The following EML6 variants were observed in gnomAD, a reference collection of about 807,000 sequenced individuals.
EML6 encodes the protein EMAP like 6, also known as echinoderm microtubule-associated protein-like 6.
A neutral mutation model predicts 240.1 loss-of-function variants in EML6; 154 were observed. The ratio of observed to expected loss-of-function variants is 0.64; its 90% confidence interval spans 0.56 to 0.73. The LOEUF (loss-of-function observed/expected upper bound fraction) is 0.73, where lower values mean the gene tolerates loss of function less well. EML6 is among the 30% of genes least tolerant of loss of function. The pLI, the probability that EML6 is intolerant of heterozygous loss-of-function variation, is 0.00. For synonymous variants in EML6, 1,148 were observed against 899.0 expected, an observed-to-expected ratio of 1.28 and a Z score of -4.95; for missense variants, 2,964 against 2,474.6, an observed-to-expected ratio of 1.20 and a Z score of -4.20.
At chr2:54,961,225 G>A (rs1396516088) in intron 35 of EML6, among the ~76,000 whole-genome samples, 1 of 29,938 alleles carries the variant, frequency 3.3e-5, no homozygotes, top group African/African-American at 1.5e-4. Flanking sequence ...TTGCTCTGTT[G>A]CCCAGGGGGA....
intron 2 of EML6, among the ~76,000 whole-genome samples, chr2:54,797,256 G>T (rs915651998): frequency 6.6e-6 from 1 of 150,436 alleles, no homozygotes; most frequent in Non-Finnish European, 1.5e-5. Context: ...CCCACCTGTT[G>T]AGGATGGATG....
chr2:54,884,076 T>A, intron 17 of EML6, among the ~76,000 whole-genome samples: 1 of 152,204 alleles, frequency 6.6e-6, no homozygotes, highest in African/African-American at 2.4e-5. Context: ...AGTTCCGTTC[T>A]ATTCTGACAC....
chr2:54,939,697 C>A (rs187909007), intron 28 of EML6, among the ~76,000 whole-genome samples: 17 of 152,322 alleles, frequency 1.1e-4, no homozygotes, highest in African/African-American at 3.4e-4. Flanking sequence ...TCTTGACCCT[C>A]CCTCCAGGCA....
intron 2 of EML6, among the ~76,000 whole-genome samples, chr2:54,756,659 T>C (rs1294934481): frequency 6.6e-6 from 1 of 152,064 alleles, no homozygotes; most frequent in Admixed American, 6.5e-5. Flanking sequence ...AAAAAGCCTT[T>C]TTTTTGATTT....
intron 2 of EML6, among the ~76,000 whole-genome samples, chr2:54,728,680 G>A (rs1683017498): frequency 1.3e-5 from 2 of 152,120 alleles, no homozygotes; most frequent in Admixed American, 1.3e-4. Context: ...TGTGGGGCCT[G>A]GCCCTTAGTT....
chr2:54,801,258 T>G (rs551814328), intron 2 of EML6, among the ~76,000 whole-genome samples: 1 of 143,208 alleles, frequency 7.0e-6, no homozygotes, highest in Admixed American at 7.2e-5. Context: ...GAGCTTGCAG[T>G]GAGCCGAGAT....
rs952790581 is a variant in EML6 at position 54,847,582 on chromosome 2, C to T, written c.1146C>T (p.Ala382=). ...VAFSPDGSQL[A]LGMKDGSFIV... ...TCAGCCCCGACGGATCTCAGCTGGC[C>T]CTGGGCATGAAGGACGGCTCTTTCA... Residue 382 remains alanine, a synonymous_variant, in exon 9 of 42, where the codon GCC becomes GCT. Coordinates refer to ENST00000356458, the MANE Select transcript of EML6 (RefSeq NM_001039753.4). The T allele has an allele frequency of 7.7e-6, 12 of 1,552,180 alleles. No individual in the cohort carries two copies. The Admixed American group carries it at 1.6e-4, about 20-fold the overall frequency.
rs1253253920 is a variant in EML6, at chr2:54,948,927, G to A, written c.4050G>A (p.Lys1350=). The A allele has an allele frequency of 5.8e-6, 9 of 1,551,348 alleles. No individual in the cohort carries two copies. Among genetic ancestry groups the A allele is most frequent in the Admixed American group, 2.0e-5 (1 of 50,984 alleles). ...CTCCCCAGCCTGAGAAACTGCAGAAGAACAATATCACCAAAAAAAAGAAAC... is the reference window on the plus strand; with the variant it reads ...CTCCCCAGCCTGAGAAACTGCAGAAAAACAATATCACCAAAAAAAAGAAAC... ...RAAPQPEKLQ[K]NNITKKKKLV... is the part of the protein sequence containing the mutation. The change falls in exon 29 of 42, where the codon AAG becomes AAA. Residue 1350 remains lysine (K), a synonymous_variant. Coordinates refer to ENST00000356458, the MANE Select transcript of EML6 (RefSeq NM_001039753.4).
At chr2:54,961,971 T>C (rs1452545289) in intron 35 of EML6, among the ~76,000 whole-genome samples, 1 of 151,068 alleles carries the variant, frequency 6.6e-6, no homozygotes, top group Non-Finnish European at 1.5e-5. Flanking sequence ...ACCACTGCAC[T>C]CCAGCCTGGG....
Position 54,962,687 on chromosome 2 carries a change from C to A in EML6, c.5133C>A (p.Ala1711=). 5 of 1,504,696 alleles carry A rather than the reference C, an allele frequency of 3.3e-6. No homozygotes were observed. The East Asian group carries it at 7.7e-5, about 23-fold the overall frequency. The allele number at this position is 1,504,696 out of a possible 1,614,324, so 93.2% of individuals were successfully genotyped here. Residue 1711 remains alanine, a synonymous_variant, in exon 36 of 42, where the codon GCC becomes GCA. Coordinates refer to ENST00000356458, the MANE Select transcript of EML6 (RefSeq NM_001039753.4). ...TCTCTGCCAGCAACGATGGCACAGCCCGGATCTGGGACCTGGCTGACAAGG... is the reference window on the plus strand; with the variant it reads ...TCTCTGCCAGCAACGATGGCACAGCACGGATCTGGGACCTGGCTGACAAGG... ...LFISASNDGT[A]RIWDLADKKL... is the part of the protein sequence containing the mutation.
intron 39 of EML6, among the ~76,000 whole-genome samples, 164 bp from the exon 40 acceptor site, chr2:54,967,964 C>G (rs986396009): frequency 6.6e-6 from 1 of 152,158 alleles, no homozygotes; most frequent in Non-Finnish European, 1.5e-5. Flanking sequence ...GCCCTGCGGT[C>G]GGTTCCTAAC....
intron 38 of EML6, 28 bp downstream of exon 38, chr2:54,964,761 G>A (rs13385999): frequency 1.3e-6 from 2 of 1,549,522 alleles, no homozygotes; most frequent in East Asian, 4.9e-5. Flanking sequence ...TTATATCTGG[G>A]GCAACCAATA....
chr2:54,860,061 C>T (rs535351497), intron 12 of EML6, among the ~76,000 whole-genome samples: 1 of 152,132 alleles, frequency 6.6e-6, no homozygotes, highest in African/African-American at 2.4e-5. Flanking sequence ...CTCCTACCCA[C>T]CAGGCAACTG....
intron 2 of EML6, among the ~76,000 whole-genome samples, chr2:54,778,968 T>C (rs1344307371): frequency 5.3e-5 from 8 of 152,092 alleles, no homozygotes; most frequent in African/African-American, 1.7e-4. Flanking sequence ...ATAACTTTCC[T>C]TACACTCTTT....
At chr2:54,931,223 C>G (rs1200628102) in intron 28 of EML6, among the ~76,000 whole-genome samples, 1 of 152,056 alleles carries the variant, frequency 6.6e-6, no homozygotes, top group Non-Finnish European at 1.5e-5. Flanking sequence ...TCCCAAAGTG[C>G]TGGGATTACA....
rs542890553 is a variant in EML6, at chr2:54,770,344, A to G, written c.198-42888A>G. Among the ~76,000 whole-genome samples, 32 of 152,334 alleles carry G rather than the reference A, an allele frequency of 2.1e-4. No homozygotes were observed. The South Asian group carries it at 3.3e-3, about 16-fold the overall frequency. On this transcript the variant is annotated intron_variant, in intron 2 of 41. Coordinates refer to ENST00000356458, the MANE Select transcript of EML6 (RefSeq NM_001039753.4). ...ACATTTGGTCACTCTAAAAGTTGAC[A>G]CCAGCACACTTGGGACCACTTGCTT...
At chr2:54,744,145 A>G (rs571934296) in intron 2 of EML6, among the ~76,000 whole-genome samples, 2 of 151,238 alleles carry the variant, frequency 1.3e-5, no homozygotes, top group East Asian at 3.9e-4. Context: ...GGTGGGGGGA[A>G]TCTAGAAAAT....
At chr2:54,793,286 C>A (rs776818912) in intron 2 of EML6, among the ~76,000 whole-genome samples, 1 of 151,646 alleles carries the variant, frequency 6.6e-6, no homozygotes, top group African/African-American at 2.4e-5. Flanking sequence ...TTTGATCTTT[C>A]AGCGTTTGCA....
intron 2 of EML6, among the ~76,000 whole-genome samples, chr2:54,754,932 A>G (rs1233341761): frequency 6.6e-6 from 1 of 152,234 alleles, no homozygotes; most frequent in African/African-American, 2.4e-5. Context: ...AAATTTTATT[A>G]GATTTTAATT....
Sources: gnomAD v4.1 joint callset for allele counts (sites outside exome capture counted in the v4.1 genomes callset) on GRCh38, gnomAD v4.1.1 for gene constraint, MANE v1.5 for transcripts, NCBI Gene and HGNC (gene_info 2026-07-23, HGNC 2026-07-21) for gene names.